ZBTB7B: variants seen among roughly 807,000 people sequenced by gnomAD.
ZBTB7B encodes the protein zinc finger and BTB domain containing 7B, also known as zinc finger and BTB domain-containing protein 7B.
In ZBTB7B, 8 loss-of-function variants were observed where a neutral mutation model predicts 31.0. That is an observed-to-expected ratio of 0.26 (90% CI 0.15 to 0.47). ZBTB7B has a LOEUF of 0.47. ZBTB7B is among the 20% of genes least tolerant of loss of function. The probability of loss-of-function intolerance (pLI) is 0.99; values close to 1 mark genes in which losing one functional copy is unlikely to be tolerated. For missense variants in ZBTB7B, 494 were observed against 742.4 expected (o/e 0.67, Z 3.89); for synonymous variants, 261 against 307.3 (o/e 0.85, Z 1.58).
chr1:155,011,279 A>G (rs1264461606), intron 1 of ZBTB7B, among the ~76,000 whole-genome samples: 1 of 152,248 alleles, frequency 6.6e-6, no homozygotes, highest in Non-Finnish European at 1.5e-5. Flanking sequence ...GCCTGAGGTC[A>G]GCACCCGGAA....
chr1:155,006,143 C>T (rs749168344), intron 1 of ZBTB7B, among the ~76,000 whole-genome samples: 2 of 152,220 alleles, frequency 1.3e-5, no homozygotes, highest in Non-Finnish European at 2.9e-5. Flanking sequence ...CCACCTGGCC[C>T]CCTGAGTTGC....
chr1:155,013,306 G>A (rs1416845763), intron 1 of ZBTB7B, among the ~76,000 whole-genome samples: 1 of 152,188 alleles, frequency 6.6e-6, no homozygotes, highest in East Asian at 1.9e-4. Flanking sequence ...CTCAAGCCTG[G>A]CTGACTCCAG....
chr1:155,014,053 G>A (rs1221864754), intron 1 of ZBTB7B: 2 of 986,058 alleles, frequency 2.0e-6, no homozygotes, highest in Non-Finnish European at 2.4e-6. Flanking sequence ...TTGAGTTAAA[G>A]CACCTGTCTG....
Position 155,017,347 on chromosome 1 carries a change from T to TGGGGGCAGAGA in ZBTB7B, c.*670_*671insAGAGGGGGCAG, listed in dbSNP as rs1432135717. 1 of 151,160 alleles carries TGGGGGCAGAGA rather than the reference T, an allele frequency of 6.6e-6. No individual in the cohort carries two copies. The highest frequency in any genetic ancestry group is 1.5e-5 in the Non-Finnish European group (1 of 67,664). 9.4% of individuals were successfully genotyped at this position (151,160 alleles called of 1,614,324 possible). ...GTGGCCTGATTGGCTCGCCTGCCCC[T>TGGGGGCAGAGA]GGGGGCAGTAGAGGGGCCCCGCCCA... On this transcript the variant is annotated 3_prime_UTR_variant, in exon 3 of 3. Transcript: ENST00000535420.
rs949430703 is a variant in ZBTB7B, at chr1:155,016,798, T to C, written c.*113T>C. ...TCTGGGGCACGGAGCCTTGCTGGCA[T>C]CAGCATCAGCCCTTCCTCCCAGAGC... On this transcript the variant is annotated 3_prime_UTR_variant, in exon 3 of 3. Transcript: ENST00000535420. This position sits in a 1 kb window ranked among gnomAD's most constrained non-coding sequence, Gnocchi z 4.3. The C allele has an allele frequency of 1.5e-6, 1 of 648,068 alleles. No homozygotes were observed. The highest frequency in any genetic ancestry group is 2.7e-6 in the Non-Finnish European group (1 of 374,846). The allele number at this position is 648,068 out of a possible 1,614,324, so 40.1% of individuals were successfully genotyped here. A position where few individuals can be genotyped will look rare whatever the true frequency, so the allele number is the denominator to read the frequency against.
chr1:155,017,380 G>A lies in ZBTB7B; in HGVS notation c.*695G>A, dbSNP rs1352530133. 8.4e-6 allele frequency: 1 copy of A among 118,384 alleles called. No individual in the cohort carries two copies. Among genetic ancestry groups the A allele is most frequent in the Non-Finnish European group, 2.0e-5 (1 of 49,822 alleles). The allele number at this position is 118,384 out of a possible 1,614,324, so 7.3% of individuals were successfully genotyped here. On this transcript the variant is annotated 3_prime_UTR_variant, in exon 3 of 3. Coordinates refer to ENST00000535420, the MANE Select transcript of ZBTB7B (RefSeq NM_001256455.2). ...GTAGAGGGGCCCCGCCCAGCTAGGGGAGCCGCTCCGTTCCACTCCCCTCCC... is the reference window on the plus strand; with the variant it reads ...GTAGAGGGGCCCCGCCCAGCTAGGGAAGCCGCTCCGTTCCACTCCCCTCCC...
At chr1:155,014,615 G>T in intron 1 of ZBTB7B, 40 bp from the exon 2 acceptor site, 1 of 1,570,412 alleles carries the variant, frequency 6.4e-7, no homozygotes, top group South Asian at 1.2e-5. Context: ...GACCCCTGTG[G>T]GCTGAGCGCT....
rs1368214795 is a variant in ZBTB7B at position 155,004,211 on chromosome 1, T to C, written c.-7+1268T>C. Among the ~76,000 whole-genome samples, 1 of 152,090 alleles carries C rather than the reference T, an allele frequency of 6.6e-6. No homozygotes were observed. Among genetic ancestry groups the C allele is most frequent in the Non-Finnish European group, 1.5e-5 (1 of 68,010 alleles). On this transcript the variant is annotated intron_variant, in intron 1 of 2. Transcript: ENST00000535420. The surrounding 1 kb of genome is among the most constrained non-coding windows in gnomAD (Gnocchi z 4.0). ...GGGAGAGGGGGAGACCGGCAGGCTG[T>C]CCAGGCTTCCGGGCCAGGTGGAGGG...
chr1:155,015,099 G>C lies in ZBTB7B; in HGVS notation c.439G>C (p.Glu147Gln), dbSNP rs1467014108. 1 of 1,613,670 alleles carries C rather than the reference G, an allele frequency of 6.2e-7. No homozygotes were observed. The highest frequency in any genetic ancestry group is 8.5e-7 in the Non-Finnish European group (1 of 1,180,024). The change falls in exon 2 of 3, where the codon GAA becomes CAA. Residue 147 changes from glutamate to glutamine, a missense_variant. By Grantham distance (29) the Glu-to-Gln change is conservative. Around this residue, in one of 5 missense-constraint regions of ZBTB7B, gnomAD observed 90 missense variants for 143.2 expected, o/e 0.63. Coordinates refer to ENST00000535420, the MANE Select transcript of ZBTB7B (RefSeq NM_001256455.2). ...CMEILQGSGL[E>Q]APSPDEDDCE... ...GGAGATTCTGCAGGGCAGTGGGCTA[G>C]AAGCTCCCAGCCCGGACGAGGATGA...
rs926077188 is a variant in ZBTB7B, at chr1:155,004,933, A to C, written c.-7+1990A>C. Among the ~76,000 whole-genome samples, 1 of 152,308 alleles carries C rather than the reference A, an allele frequency of 6.6e-6. No individual in the cohort carries two copies. Among genetic ancestry groups the C allele is most frequent in the South Asian group, 2.1e-4 (1 of 4,832 alleles). The stretch of plus-strand genomic sequence containing the variant: ...CTGGGGAAGAAAGAAGGCAGTGCCC[A>C]CTAGGCTCAGGTGTCAAGGAGACAG... On this transcript the variant is annotated intron_variant, in intron 1 of 2. Transcript: ENST00000535420. The surrounding 1 kb of genome is among the most constrained non-coding windows in gnomAD (Gnocchi z 4.0).
rs1659434837 is a variant in ZBTB7B at position 155,016,635 on chromosome 1, G to A, written c.1570G>A (p.Glu524Lys). 10 of 1,604,612 alleles carry A rather than the reference G, an allele frequency of 6.2e-6. No individual in the cohort carries two copies. The East Asian group carries it at 6.7e-5, about 11-fold the overall frequency. ...TPGPPDDDEE[E>K]GAPTTPQAEG... ...AGGGCCCCCTGATGACGATGAGGAGGAAGGGGCACCCACCACACCCCAGGC... is the reference window on the plus strand; with the variant it reads ...AGGGCCCCCTGATGACGATGAGGAGAAAGGGGCACCCACCACACCCCAGGC... The change falls in exon 3 of 3, where the codon GAA becomes AAA. Residue 524 changes from glutamate (E) to lysine (K), a missense_variant. Glu to Lys is a moderately conservative substitution (Grantham distance 56, BLOSUM62 1). Coordinates refer to ENST00000535420, the MANE Select transcript of ZBTB7B (RefSeq NM_001256455.2). The surrounding 1 kb of genome is among the most constrained non-coding windows in gnomAD (Gnocchi z 4.3).
At chr1:155,011,441 C>CT (rs1658970848) in intron 1 of ZBTB7B, among the ~76,000 whole-genome samples, 1 of 152,256 alleles carries the variant, frequency 6.6e-6, no homozygotes, top group African/African-American at 2.4e-5. Context: ...CTTTCTCACC[C>CT]TGAAGTCTTC....
chr1:155,005,488 T>C (rs1571506065), intron 1 of ZBTB7B, among the ~76,000 whole-genome samples: 2 of 152,260 alleles, frequency 1.3e-5, no homozygotes, highest in East Asian at 1.9e-4. Flanking sequence ...TCTTAATGGC[T>C]GAGAGACCCA....
At chr1:155,012,106 A>G (rs1252704568) in intron 1 of ZBTB7B, among the ~76,000 whole-genome samples, 3 of 151,966 alleles carry the variant, frequency 2.0e-5, no homozygotes, top group Non-Finnish European at 4.4e-5. Context: ...TTAAACACCC[A>G]CCCTTGCCCA....
In ZBTB7B at chr1:155,004,188, G is replaced by C. The variant is rs1658421210; in HGVS notation, c.-7+1245G>C. Among the ~76,000 whole-genome samples the C allele has an allele frequency of 6.6e-6, 1 of 152,218 alleles. No individual in the cohort carries two copies. The stretch of plus-strand genomic sequence containing the variant: ...TGGGACACCGGAAGTGGGTGCTGGG[G>C]AGAGGGGGAGACCGGCAGGCTGTCC... On this transcript the variant is annotated intron_variant, in intron 1 of 2. Transcript: ENST00000535420. This position sits in a 1 kb window ranked among gnomAD's most constrained non-coding sequence, Gnocchi z 4.0.
rs927755286 is a variant in ZBTB7B at position 155,011,795 on chromosome 1, G to C, written c.-6-2860G>C. Among the ~76,000 whole-genome samples, 7 of 152,222 alleles carry C rather than the reference G, an allele frequency of 4.6e-5. 1 individual carries two copies. Among genetic ancestry groups the C allele is most frequent in the Admixed American group, 4.6e-4 (7 of 15,294 alleles). On this transcript the variant is annotated intron_variant, in intron 1 of 2. Transcript: ENST00000535420. ...ATGCAGAGGTGGGAAAGGTGCCCAA[G>C]GTAGGGTGGGCACCCTGGCACCAGT...
chr1:155,008,764 G>A (rs910256244), intron 1 of ZBTB7B, among the ~76,000 whole-genome samples: 1 of 152,122 alleles, frequency 6.6e-6, no homozygotes. Flanking sequence ...CCAGCCCTCC[G>A]GTAACCCCTC....
intron 1 of ZBTB7B, among the ~76,000 whole-genome samples, chr1:155,007,749 G>A (rs1362519524): frequency 1.3e-5 from 2 of 152,162 alleles, no homozygotes; most frequent in African/African-American, 4.8e-5. Flanking sequence ...AGGAGGGAGA[G>A]GAGGGCAGGA....
chr1:155,005,217 G>C (rs1000213667), intron 1 of ZBTB7B, among the ~76,000 whole-genome samples: 1 of 152,068 alleles, frequency 6.6e-6, no homozygotes, highest in Non-Finnish European at 1.5e-5. Flanking sequence ...CAGCAGGCAT[G>C]GGGGGCGGAG....
Sources: allele counts gnomAD v4.1 joint callset (sites outside exome capture counted in the v4.1 genomes callset), GRCh38; gene constraint gnomAD v4.1.1; regional missense constraint gnomAD v4.1.1; non-coding constraint Gnocchi (gnomAD v3.1); transcripts MANE v1.5; gene names NCBI Gene and HGNC (gene_info 2026-07-23, HGNC 2026-07-21).